ABI3BP: variants seen among roughly 807,000 people sequenced by gnomAD.
ABI3BP encodes the protein target of Nesh-SH3.
A neutral mutation model predicts 268.6 loss-of-function variants in ABI3BP; 216 were observed. That is an observed-to-expected ratio of 0.80 (90% CI 0.72 to 0.90). ABI3BP has a LOEUF of 0.90. Among genes scored for constraint, ABI3BP ranks in the 40% least tolerant of loss-of-function variants. The pLI, the probability that ABI3BP is intolerant of heterozygous loss-of-function variation, is 0.00. For synonymous variants in ABI3BP, 730 were observed against 730.0 expected (o/e 1.00, Z 0.00); for missense variants, 2,090 against 2,182.4 (o/e 0.96, Z 0.84).
intron 26 of ABI3BP, 44 bp downstream of exon 26, chr3:100,838,144 GAAACATTTTCAGCAATGTTTCC>G (rs1488405577): frequency 4.8e-6 from 7 of 1,444,852 alleles, no homozygotes; most frequent in Non-Finnish European, 6.6e-6. Context: ...TGACAGATTG[GAAACATTTTCAGCAATGTTTCC>G]AAAGAAAATC....
intron 2 of ABI3BP, among the ~76,000 whole-genome samples, chr3:100,908,727 A>G (rs1229255776): frequency 6.6e-6 from 1 of 152,224 alleles, no homozygotes; most frequent in Non-Finnish European, 1.5e-5. Context: ...TTCAAGGAGA[A>G]CTACAAACCA....
In ABI3BP at chr3:100,935,418, T is replaced by C. The variant is rs187493590; in HGVS notation, c.80-8937A>G. On this transcript the variant is annotated intron_variant, in intron 1 of 67. Coordinates refer to ENST00000471714, the MANE Select transcript of ABI3BP (RefSeq NM_001375547.2). The stretch of plus-strand genomic sequence containing the variant: ...GTTTGAAGTCAGGTAGTGTGATGCC[T>C]CCAGCTTTGTTCTTTCTGCTTAAGA... 4.9e-3 allele frequency among the ~76,000 whole-genome samples: 750 copies of C among 152,292 alleles called. 19 individuals are homozygous for C. Among genetic ancestry groups the C allele is most frequent in the Admixed American group, 0.044 (673 of 15,284 alleles).
At chr3:100,838,073 G>T in intron 26 of ABI3BP, 137 bp downstream of exon 26, 2 of 959,370 alleles carry the variant, frequency 2.1e-6, no homozygotes, top group South Asian at 3.3e-5. Context: ...CATCAGTGTG[G>T]CTACTTGGAG....
Position 100,834,741 on chromosome 3 carries a change from G to T in ABI3BP, c.2224C>A (p.Arg742Ser), listed in dbSNP as rs547246874. 2.0e-6 allele frequency: 3 copies of T among 1,535,724 alleles called. No individual in the cohort carries two copies. The highest frequency in any genetic ancestry group is 1.7e-6 in the Non-Finnish European group (2 of 1,146,556). Residue 742 changes from arginine to serine, a missense_variant, in exon 29 of 68, where the codon CGT becomes AGT. Arg to Ser is a moderately radical substitution (Grantham distance 110). Coordinates refer to ENST00000471714, the MANE Select transcript of ABI3BP (RefSeq NM_001375547.2). ...PKTSQRTRTR[R>S]PRPKHKTTPR... ...GTGGTTTTATGTTTGGGACGTGGAC[G>T]ACGTGTTCTTGTTCGTTGCGATGTT...
At chr3:100,824,298 G>A (rs566693723) in intron 36 of ABI3BP, among the ~76,000 whole-genome samples, 47 of 152,208 alleles carry the variant, frequency 3.1e-4, no homozygotes, top group Middle Eastern at 3.4e-3. Flanking sequence ...TGGTCCTTCT[G>A]CCCTAGTTCA....
In ABI3BP at chr3:100,750,218, A is replaced by G. The variant is rs2095241445; in HGVS notation, c.*277T>C. On this transcript the variant is annotated 3_prime_UTR_variant, in exon 68 of 68. Transcript: ENST00000471714. ...ACATCATTACAACAGTGTGATAAAT[A>G]ATATACAAATGATCTCTTAAAATAC... The G allele has an allele frequency of 3.5e-6, 1 of 283,082 alleles. No homozygotes were observed. Among genetic ancestry groups the G allele is most frequent in the South Asian group, 1.1e-4 (1 of 9,290 alleles). The allele number at this position is 283,082 out of a possible 1,614,324, so 17.5% of individuals were successfully genotyped here. A position where few individuals can be genotyped will look rare whatever the true frequency, so the allele number is the denominator to read the frequency against.
intron 4 of ABI3BP, among the ~76,000 whole-genome samples, chr3:100,892,923 T>C (rs1388746246): frequency 6.6e-6 from 1 of 152,164 alleles, no homozygotes; most frequent in Non-Finnish European, 1.5e-5. Flanking sequence ...GTCAACTTGA[T>C]TGGATTGAAG....
At chr3:100,840,678 C>CT (rs1187108506) in intron 22 of ABI3BP, 142 bp downstream of exon 22, 26 of 670,678 alleles carry the variant, frequency 3.9e-5, no homozygotes, top group Middle Eastern at 2.5e-4. Flanking sequence ...TAGGAATTAA[C>CT]TTTTTTTTCT....
In ABI3BP at chr3:100,882,229, G is replaced by A. The variant is rs79087865; in HGVS notation, c.696+3307C>T. Reference sequence around the variant, plus strand: ...TGAAATTAATTTCATATCTCTTGAAGTATTGCCTTCTAAGATAGGTCTCAG... The same window carrying A: ...TGAAATTAATTTCATATCTCTTGAAATATTGCCTTCTAAGATAGGTCTCAG... On this transcript the variant is annotated intron_variant, in intron 6 of 67. Transcript: ENST00000471714. Among the ~76,000 whole-genome samples the A allele has an allele frequency of 6.2e-3, 940 of 152,156 alleles. 8 individuals carry two copies. Among genetic ancestry groups the A allele is most frequent in the African/African-American group, 0.022 (894 of 41,528 alleles).
chr3:100,981,884 C>T (rs1182064598), intron 1 of ABI3BP, among the ~76,000 whole-genome samples: 2 of 152,228 alleles, frequency 1.3e-5, no homozygotes, highest in East Asian at 3.8e-4. Context: ...GTCCAGGCTA[C>T]TGGAGTATCT....
At chr3:100,881,667 C>G (rs1001960513) in intron 6 of ABI3BP, among the ~76,000 whole-genome samples, 25 of 81,414 alleles carry the variant, frequency 3.1e-4, no homozygotes, top group African/African-American at 8.1e-4. Context: ...GTCCTAGATT[C>G]TCTAAATGGA....
intron 1 of ABI3BP, among the ~76,000 whole-genome samples, chr3:100,960,514 A>T (rs1417577039): frequency 6.6e-6 from 1 of 152,244 alleles, no homozygotes; most frequent in African/African-American, 2.4e-5. Context: ...TGGCAAAAAG[A>T]CATATTACAT....
At chr3:100,780,658 C>A (rs188703725) in intron 57 of ABI3BP, among the ~76,000 whole-genome samples, 108 of 152,140 alleles carry the variant, frequency 7.1e-4, no homozygotes, top group African/African-American at 2.4e-3. Context: ...TGGGTTTATA[C>A]TTAATGAATT....
intron 1 of ABI3BP, among the ~76,000 whole-genome samples, chr3:100,952,454 A>G (rs1050906747): frequency 1.3e-5 from 2 of 152,182 alleles, no homozygotes; most frequent in Admixed American, 6.5e-5. Flanking sequence ...TTTGCCTTTC[A>G]TATGTACTAT....
intron 61 of ABI3BP, among the ~76,000 whole-genome samples, chr3:100,773,077 CA>C (rs563600769): frequency 0.011 from 634 of 58,116 alleles, 4 homozygotes; most frequent in African/African-American, 0.033. Context: ...GAGTCCATCT[CA>C]AAAAAAAAAA....
intron 57 of ABI3BP, among the ~76,000 whole-genome samples, chr3:100,785,986 A>G (rs564094379): frequency 6.6e-6 from 1 of 152,272 alleles, no homozygotes; most frequent in African/African-American, 2.4e-5. Flanking sequence ...CCTAGGATGA[A>G]TTCCATTTGG....
chr3:100,913,566 C>T (rs1052163081), intron 2 of ABI3BP, among the ~76,000 whole-genome samples: 20 of 152,154 alleles, frequency 1.3e-4, no homozygotes, highest in African/African-American at 4.1e-4. Flanking sequence ...TGTAGCTTTG[C>T]AAAATTTCAT....
intron 1 of ABI3BP, among the ~76,000 whole-genome samples, chr3:100,971,588 G>A (rs1301930047): frequency 6.6e-6 from 1 of 152,118 alleles, no homozygotes; most frequent in African/African-American, 2.4e-5. Context: ...AACACAGGGT[G>A]GCCCCCAAAG....
chr3:100,822,484 C>T, intron 38 of ABI3BP, 105 bp downstream of exon 38: 2 of 919,960 alleles, frequency 2.2e-6, no homozygotes, highest in South Asian at 3.2e-5. Context: ...GTTGTAGCTT[C>T]CCTCTCACAG....
Sources: allele counts gnomAD v4.1 joint callset (sites outside exome capture counted in the v4.1 genomes callset), GRCh38; gene constraint gnomAD v4.1.1; transcripts MANE v1.5; gene names NCBI Gene and HGNC (gene_info 2026-07-23, HGNC 2026-07-21).